Variants in CDC27 observed in about 807,000 individuals in gnomAD.
CDC27 encodes cell division cycle protein 27 homolog.
A neutral mutation model predicts 109.7 loss-of-function variants in CDC27; 27 were observed. The ratio of observed to expected loss-of-function variants is 0.25; its 90% CI spans 0.18 to 0.34. The LOEUF (loss-of-function observed/expected upper bound fraction) is 0.34, where lower values mean the gene tolerates loss of function less well. CDC27 is among the 10% of genes least tolerant of loss of function. The pLI, the probability that CDC27 is intolerant of heterozygous loss-of-function variation, is 1.00. For synonymous variants in CDC27, 266 were observed against 333.9 expected, an observed-to-expected ratio of 0.80 and a Z score of 2.22; for missense variants, 579 against 960.2, an observed-to-expected ratio of 0.60 and a Z score of 5.25.
intron 9 of CDC27, 134 bp downstream of exon 9, chr17:47,151,672 T>G: frequency 1.6e-6 from 1 of 614,742 alleles, no homozygotes. Context: ...AAGTTAGAGG[T>G]TTCAAATTTT....
At chr17:47,185,978 G>A (rs1055039834) in intron 1 of CDC27, among the ~76,000 whole-genome samples, 2 of 152,196 alleles carry the variant, frequency 1.3e-5, no homozygotes, top group African/African-American at 2.4e-5. Flanking sequence ...AGCCAGGGAT[G>A]CTACAAAACA....
At chr17:47,154,603 A>G in intron 8 of CDC27, 69 bp downstream of exon 8, 2 of 799,564 alleles carry the variant, frequency 2.5e-6, no homozygotes, top group East Asian at 2.7e-5. Context: ...CCCTGAGATT[A>G]CCTTTAAAAG....
chr17:47,134,906 T>C (rs1248811912), intron 14 of CDC27, among the ~76,000 whole-genome samples: 1 of 151,782 alleles, frequency 6.6e-6, no homozygotes. Flanking sequence ...CTTATAGGTA[T>C]GAGCCACCAT....
At chr17:47,144,107 T>C (rs2062881381) in intron 9 of CDC27, 125 bp from the exon 10 acceptor site, 1 of 337,624 alleles carries the variant, frequency 3.0e-6, no homozygotes, top group Non-Finnish European at 5.2e-6. Context: ...AGTTGATGAA[T>C]TTGATCAGTT....
intron 10 of CDC27, 152 bp downstream of exon 10, chr17:47,143,731 T>C (rs570499333): frequency 4.4e-5 from 13 of 296,436 alleles, no homozygotes; most frequent in Non-Finnish European, 8.0e-5. Flanking sequence ...CTAATTAACT[T>C]CACAAAAATC....
Position 47,126,046 on chromosome 17 carries a change from G to A in CDC27, c.2161-2086C>T, listed in dbSNP as rs1834204185. 1.3e-5 allele frequency among the ~76,000 whole-genome samples: 2 copies of A among 152,094 alleles called. 1 individual carries two copies. The highest frequency in any genetic ancestry group is 4.2e-4 in the South Asian group (2 of 4,816). ...AGAAATAGTGTCTCACATAGCATCA[G>A]AGCTCTTACTTTTACCTTAAAGACT... is the stretch of plus-strand genomic sequence containing the variant. On this transcript the variant is annotated intron_variant, in intron 16 of 18. Transcript: ENST00000066544.
At chr17:47,181,291 A>G (rs915722254) in intron 2 of CDC27, 5 of 173,506 alleles carry the variant, frequency 2.9e-5, no homozygotes, top group African/African-American at 1.2e-4. Flanking sequence ...AAAAAACCCA[A>G]AACAACAAAA....
At chr17:47,176,743 T>C (rs1463141118) in intron 2 of CDC27, among the ~76,000 whole-genome samples, 2 of 152,136 alleles carry the variant, frequency 1.3e-5, no homozygotes, top group African/African-American at 2.4e-5. Context: ...AGTGGTATCT[T>C]AGGTTAGATT....
intron 2 of CDC27, 50 bp from the exon 3 acceptor site, chr17:47,172,114 T>C (rs769017825): frequency 3.2e-6 from 4 of 1,268,182 alleles, no homozygotes; most frequent in East Asian, 5.7e-5. Context: ...TATTGAATGA[T>C]AATCAGTTTA....
rs1021579791 is a variant in CDC27 at position 47,129,396 on chromosome 17, A to G, written c.2157T>C (p.Tyr719=). Residue 719 remains tyrosine, a synonymous_variant, in exon 16 of 19, where the codon TAT becomes TAC. Coordinates refer to ENST00000066544, the MANE Select transcript of CDC27 (RefSeq NM_001256.6). ...ACCCTTAAGATATTTATCTTACCTT[A>G]TATTTTTCATTTGCAAATAAAACTG... The part of the protein sequence containing the change: ...RASVLFANEK[Y]KSALQELEEL... 2.5e-6 allele frequency: 4 copies of G among 1,609,160 alleles called. No individual in the cohort carries two copies.
At chr17:47,182,628 T>C (rs915980277) in intron 1 of CDC27, among the ~76,000 whole-genome samples, 2 of 152,356 alleles carry the variant, frequency 1.3e-5, no homozygotes, top group Middle Eastern at 3.4e-3. Flanking sequence ...CGATTTGCTT[T>C]TGAAATCCAA....
intron 1 of CDC27, among the ~76,000 whole-genome samples, chr17:47,183,465 A>G (rs944542812): frequency 6.6e-6 from 1 of 152,330 alleles, no homozygotes; most frequent in African/African-American, 2.4e-5. Context: ...AAGAAAGAAC[A>G]GTAATGAACT....
rs1555780287 is a variant in CDC27, at chr17:47,124,256, C to CT, written c.2161-297_2161-296insA. On this transcript the variant is annotated intron_variant, in intron 16 of 18. Coordinates refer to ENST00000066544, the MANE Select transcript of CDC27 (RefSeq NM_001256.6). ...GGTGGTAACAATCCTTGCTTTTGGT[C>CT]ATCTATCTATCTATCTATCTATCTA... Among the ~76,000 whole-genome samples the CT allele has an allele frequency of 8.8e-4, 130 of 148,282 alleles. 1 individual carries two copies. The highest frequency in any genetic ancestry group is 6.7e-3 in the East Asian group (34 of 5,084).
chr17:47,133,044 CACACACACACATACATAT>C (rs1334830046), intron 14 of CDC27, among the ~76,000 whole-genome samples: 27 of 66,692 alleles, frequency 4.0e-4, no homozygotes, highest in African/African-American at 1.1e-3. Context: ...CACACACACA[CACACACACACATACATAT>C]ACACACACAC....
intron 1 of CDC27, chr17:47,188,804 G>A: frequency 8.3e-7 from 1 of 1,202,976 alleles, no homozygotes; most frequent in Non-Finnish European, 1.0e-6. Flanking sequence ...TTTTAGGCAA[G>A]AGAGCGCTTG....
At chr17:47,143,406 T>C (rs1437965522) in intron 10 of CDC27, among the ~76,000 whole-genome samples, 1 of 152,240 alleles carries the variant, frequency 6.6e-6, no homozygotes, top group Non-Finnish European at 1.5e-5. Flanking sequence ...AGACCTTACA[T>C]GGATTTCATC....
chr17:47,128,624 G>A (rs1469259080), intron 16 of CDC27, among the ~76,000 whole-genome samples: 1 of 152,016 alleles, frequency 6.6e-6, no homozygotes, highest in Non-Finnish European at 1.5e-5. Flanking sequence ...TTTTCCTAGA[G>A]AGTACTAGAT....
intron 13 of CDC27, among the ~76,000 whole-genome samples, chr17:47,137,972 TG>T (rs1380659848): frequency 3.9e-5 from 6 of 152,162 alleles, no homozygotes; most frequent in African/African-American, 1.4e-4. Flanking sequence ...GGCTAATTTT[TG>T]TATTTTTTGT....
chr17:47,146,387 G>A (rs763239871), intron 9 of CDC27, among the ~76,000 whole-genome samples: 4 of 152,206 alleles, frequency 2.6e-5, no homozygotes, highest in Non-Finnish European at 5.9e-5. Flanking sequence ...ATCTTAACCT[G>A]TGGTGTCTGT....
Sources: allele counts gnomAD v4.1 joint callset (sites outside exome capture counted in the v4.1 genomes callset), GRCh38; gene constraint gnomAD v4.1.1; transcripts MANE v1.5; gene names NCBI Gene and HGNC (gene_info 2026-07-23, HGNC 2026-07-21).